MYO1F: variants seen among roughly 807,000 people sequenced by gnomAD.
The protein encoded by MYO1F is myosin IF.
In MYO1F, 60 loss-of-function variants were observed where a neutral mutation model predicts 146.6. The observed-to-expected ratio is 0.41, with a 90% CI of 0.33 to 0.51. MYO1F has a LOEUF of 0.51. Ranked by LOEUF, MYO1F falls within the 20% of genes least tolerant of loss-of-function variation. The probability of loss-of-function intolerance (pLI) is 0.25; values close to 1 mark genes in which losing one functional copy is unlikely to be tolerated. For missense variants in MYO1F, 1,274 were observed against 1,534.3 expected, an observed-to-expected ratio of 0.83 and a Z score of 2.83; for synonymous variants, 602 against 602.1, an observed-to-expected ratio of 1.00 and a Z score of 0.00.
chr19:8,550,139 T>TCCAGCC, intron 10 of MYO1F, 21 bp downstream of exon 10: 2 of 1,612,730 alleles, frequency 1.2e-6, no homozygotes, highest in Non-Finnish European at 1.7e-6. Flanking sequence ...CACTCTGCCT[T>TCCAGCC]CCAGCCCCAG....
At chr19:8,523,988 G>A (rs1266948367) in intron 25 of MYO1F, among the ~76,000 whole-genome samples, 2 of 151,714 alleles carry the variant, frequency 1.3e-5, no homozygotes, top group South Asian at 2.1e-4. Context: ...GCATGATGGC[G>A]TGTGCCTGTA....
intron 1 of MYO1F, among the ~76,000 whole-genome samples, chr19:8,571,261 C>T (rs547810207): frequency 1.3e-5 from 2 of 152,344 alleles, no homozygotes; most frequent in Non-Finnish European, 2.9e-5. Context: ...TGCCCTGGTG[C>T]CTGAGGGTGG....
rs746597787 is a variant in MYO1F at position 8,536,611 on chromosome 19, T to G, written c.1800-14A>C. 78 of 1,295,658 alleles carry G rather than the reference T, an allele frequency of 6.0e-5. No homozygotes were observed. The highest frequency in any genetic ancestry group is 7.0e-6 in the Non-Finnish European group (7 of 1,004,478). 80.3% of individuals were successfully genotyped at this position (1,295,658 alleles called of 1,614,324 possible). A position where few individuals can be genotyped will look rare whatever the true frequency, so the allele number is the denominator to read the frequency against. On this transcript the variant is annotated splice_polypyrimidine_tract_variant and intron_variant, in intron 17 of 27. Transcript: ENST00000644032. ...TGGTGCTTGACTCTGGTGGGGAGGGTAGGCTGAGTCCCCTCGGGGTGGGGA... is the reference window on the plus strand; with the variant it reads ...TGGTGCTTGACTCTGGTGGGGAGGGGAGGCTGAGTCCCCTCGGGGTGGGGA...
chr19:8,555,842 C>A (rs73501543), intron 1 of MYO1F, 46 bp from the exon 2 acceptor site: 25 of 1,571,754 alleles, frequency 1.6e-5, no homozygotes, highest in South Asian at 4.5e-5. Flanking sequence ...CACGGGGATG[C>A]GGCACCTGGC....
In MYO1F at chr19:8,521,075, A is replaced by G; in HGVS notation, c.*453T>C. ...TCCTACCTCACAGGGCTGTGAAAAC[A>G]TCGTCCTTGTTGGGCACTTAGTAAG... is the stretch of plus-strand genomic sequence containing the variant. On this transcript the variant is annotated 3_prime_UTR_variant, in exon 28 of 28. Coordinates refer to ENST00000644032, the MANE Select transcript of MYO1F (RefSeq NM_012335.4). 1 of 294,914 alleles carries G rather than the reference A, an allele frequency of 3.4e-6. No individual in the cohort carries two copies. Among genetic ancestry groups the G allele is most frequent in the South Asian group, 3.2e-5 (1 of 31,274 alleles). 18.3% of individuals were successfully genotyped at this position (294,914 alleles called of 1,614,324 possible).
Position 8,530,541 on chromosome 19 carries a change from C to G in MYO1F, c.2076G>C (p.Lys692Asn). ...LFLLEEVRERKFDGFARTIQK... is the reference protein window; with the variant it reads ...LFLLEEVRERNFDGFARTIQK... ...GGATGGTTCGGGCAAAGCCATCGAACTTTCGCTCTCGCACCTCCTCCAGGA... is the reference window on the plus strand; with the variant it reads ...GGATGGTTCGGGCAAAGCCATCGAAGTTTCGCTCTCGCACCTCCTCCAGGA... Residue 692 changes from lysine to asparagine, a missense_variant, in exon 20 of 28, where the codon AAG (lysine) becomes AAC (asparagine). Physicochemically the swap from Lys to Asn is moderately conservative, Grantham distance 94. Around this residue, in one of 2 missense-constraint regions of MYO1F, gnomAD observed 900 missense variants for 1,155.1 expected, o/e 0.78. Coordinates refer to ENST00000644032, the MANE Select transcript of MYO1F (RefSeq NM_012335.4). This position sits in a 1 kb window ranked among gnomAD's most constrained non-coding sequence, Gnocchi z 5.8. The G allele has an allele frequency of 6.2e-7, 1 of 1,613,112 alleles. No homozygotes were observed. The highest frequency in any genetic ancestry group is 8.5e-7 in the Non-Finnish European group (1 of 1,180,020).
In MYO1F at chr19:8,554,472, C is replaced by G. The variant is rs1973759135; in HGVS notation, c.326+5G>C. The G allele has an allele frequency of 6.2e-7, 1 of 1,602,892 alleles. No homozygotes were observed. The highest frequency in any genetic ancestry group is 8.5e-7 in the Non-Finnish European group (1 of 1,170,594). ...GGGTCTGTGGCCCCCCAACTCTGTCCATACCTAATGATGACACACTGGTTC... is the reference window on the plus strand; with the variant it reads ...GGGTCTGTGGCCCCCCAACTCTGTCGATACCTAATGATGACACACTGGTTC... On this transcript the variant is annotated splice_donor_5th_base_variant and intron_variant, in intron 4 of 27. Coordinates refer to ENST00000644032, the MANE Select transcript of MYO1F (RefSeq NM_012335.4).
In MYO1F at chr19:8,568,597, T is replaced by A. The variant is rs1313453693; in HGVS notation, c.3+8710A>T. Among the ~76,000 whole-genome samples, 4 of 151,992 alleles carry A rather than the reference T, an allele frequency of 2.6e-5. No homozygotes were observed. The East Asian group carries it at 7.8e-4, about 29-fold the overall frequency. ...ACTGTGTGACTCTGGGGAGGTCACT[T>A]CTCTTCTCCAAGCCTCAGTTTCTCC... On this transcript the variant is annotated intron_variant, in intron 1 of 27. Coordinates refer to ENST00000644032, the MANE Select transcript of MYO1F (RefSeq NM_012335.4).
intron 24 of MYO1F, among the ~76,000 whole-genome samples, chr19:8,526,044 T>A (rs1972252091): frequency 6.6e-6 from 1 of 152,126 alleles, no homozygotes; most frequent in Non-Finnish European, 1.5e-5. Context: ...AGTCTGTCTC[T>A]CTGGCCGGGC....
At chr19:8,555,875 G>A in intron 1 of MYO1F, 79 bp from the exon 2 acceptor site, 1 of 1,432,710 alleles carries the variant, frequency 7.0e-7, no homozygotes, top group Non-Finnish European at 9.5e-7. Context: ...TCAGCTTCTG[G>A]GTTCTGTCCC....
At chr19:8,544,004 G>GCTGGTGGT (rs1568350198) in intron 14 of MYO1F, 1 of 401,596 alleles carries the variant, frequency 2.5e-6, no homozygotes, top group Admixed American at 4.7e-5. Context: ...TGCTGGTGGT[G>GCTGGTGGT]GCGGTGGCGG....
rs113521200 is a variant in MYO1F, at chr19:8,576,181, T to G, written c.3+1126A>C. ...CCAGTTAATTTTTTGTATTTTTTAG[T>G]AGAGACGAGGTTTCACCACGTTGGC... is the stretch of plus-strand genomic sequence containing the variant. On this transcript the variant is annotated intron_variant, in intron 1 of 27. Transcript: ENST00000644032. Among the ~76,000 whole-genome samples the G allele has an allele frequency of 2.0e-3, 299 of 152,278 alleles. 1 individual carries two copies. Among genetic ancestry groups the G allele is most frequent in the Non-Finnish European group, 3.4e-3 (234 of 68,008 alleles).
At chr19:8,527,073 AAG>A in intron 22 of MYO1F, 138 bp from the exon 23 acceptor site, 1 of 1,219,146 alleles carries the variant, frequency 8.2e-7, no homozygotes, top group Non-Finnish European at 1.2e-6. Flanking sequence ...GTAGGAGAAA[AAG>A]GGGGATGTGG....
chr19:8,574,629 CT>C (rs1195019015), intron 1 of MYO1F, among the ~76,000 whole-genome samples: 1 of 43,700 alleles, frequency 2.3e-5, no homozygotes, highest in Non-Finnish European at 4.6e-5. Context: ...TTCTTTCTTT[CT>C]TTCTTTCTTT....
At chr19:8,523,296 G>T (rs1315280842) in intron 25 of MYO1F, among the ~76,000 whole-genome samples, 3 of 151,958 alleles carry the variant, frequency 2.0e-5, no homozygotes, top group Admixed American at 2.0e-4. Context: ...GCCTCCCAAA[G>T]TGCTGGGATT....
At chr19:8,532,742 G>T (rs1972532047) in intron 19 of MYO1F, among the ~76,000 whole-genome samples, 1 of 151,906 alleles carries the variant, frequency 6.6e-6, no homozygotes, top group African/African-American at 2.4e-5. Flanking sequence ...GCAAAAATTA[G>T]CTGAGGGTGA....
In MYO1F at chr19:8,537,061, G is replaced by T; in HGVS notation, c.1693-6C>A. 6.2e-7 allele frequency: 1 copy of T among 1,605,626 alleles called. No homozygotes were observed. Among genetic ancestry groups the T allele is most frequent in the Non-Finnish European group, 8.5e-7 (1 of 1,174,834 alleles). ...ACCAGGTCGTTGGCTTGTTTCTGAG[G>T]CAGAAGTGAAGACGGGTGGGTGGGG... On this transcript the variant is annotated splice_polypyrimidine_tract_variant and splice_region_variant and intron_variant, in intron 16 of 27. Coordinates refer to ENST00000644032, the MANE Select transcript of MYO1F (RefSeq NM_012335.4).
chr19:8,548,001 C>G (rs771418943), intron 12 of MYO1F, 35 bp downstream of exon 12: 3 of 1,305,400 alleles, frequency 2.3e-6, no homozygotes, highest in South Asian at 1.2e-5. Context: ...ACCCCCACCC[C>G]AGGATCCCCC....
chr19:8,574,419 C>T (rs1568380373), intron 1 of MYO1F, among the ~76,000 whole-genome samples: 1 of 152,196 alleles, frequency 6.6e-6, no homozygotes, highest in Non-Finnish European at 1.5e-5. Flanking sequence ...GCAATGGTCC[C>T]CAACATTTTT....
Sources: allele counts gnomAD v4.1 joint callset (sites outside exome capture counted in the v4.1 genomes callset), GRCh38; gene constraint gnomAD v4.1.1; regional missense constraint gnomAD v4.1.1; non-coding constraint Gnocchi (gnomAD v3.1); transcripts MANE v1.5; gene names NCBI Gene and HGNC (gene_info 2026-07-23, HGNC 2026-07-21).